CAMTA1: variants seen among roughly 807,000 people sequenced by gnomAD.
CAMTA1 encodes calmodulin-binding transcription activator 1.
Under a neutral mutation model 170.9 loss-of-function variants are expected in CAMTA1, and 27 were observed. That is an observed-to-expected ratio of 0.16 (90% CI 0.12 to 0.22). The LOEUF is 0.22. Ranked by LOEUF, CAMTA1 falls within the 10% of genes least tolerant of loss-of-function variation. CAMTA1 has a pLI of 1.00. For synonymous variants in CAMTA1, 833 were observed against 891.5 expected (o/e 0.93, Z 1.17); for missense variants, 1,619 against 2,217.2 (o/e 0.73, Z 5.42).
At position 7,548,422 on chromosome 1, in the gene CAMTA1, G is replaced by T. The variant is rs2094731271; in HGVS notation, c.510+80521G>T. Among the ~76,000 whole-genome samples, 5 of 151,788 alleles carry T rather than the reference G, an allele frequency of 3.3e-5. 1 individual carries two copies. In the South Asian group the frequency reaches 1.0e-3, roughly 32 times the overall value. On this transcript the variant is annotated intron_variant, in intron 6 of 22. Coordinates refer to ENST00000303635, the MANE Select transcript of CAMTA1 (RefSeq NM_015215.4). ...CTTAAGGGTGGAGGTGCCCGTGCAG[G>T]GTGCCCCTTAGGAGTGGAGGTGCTG...
intron 5 of CAMTA1, among the ~76,000 whole-genome samples, chr1:7,308,824 A>G (rs1675997956): frequency 6.6e-6 from 1 of 152,214 alleles, no homozygotes; most frequent in South Asian, 2.1e-4. Flanking sequence ...ACTCTCAACT[A>G]TCAGTTGGAG....
intron 3 of CAMTA1, among the ~76,000 whole-genome samples, chr1:7,061,866 C>A (rs1480548168): frequency 6.6e-6 from 1 of 152,002 alleles, no homozygotes; most frequent in African/African-American, 2.4e-5. Context: ...TGCCAAAGGC[C>A]ATGAAGAGTG....
At chr1:6,796,180 C>T (rs1642463656) in intron 1 of CAMTA1, among the ~76,000 whole-genome samples, 2 of 127,138 alleles carry the variant, frequency 1.6e-5, no homozygotes, top group East Asian at 5.1e-4. Context: ...CACTGTGTCA[C>T]TCAGTCTGGA....
chr1:7,501,114 G>A (rs889093884), intron 6 of CAMTA1, among the ~76,000 whole-genome samples: 6 of 152,126 alleles, frequency 3.9e-5, no homozygotes, highest in Admixed American at 2.6e-4. Context: ...CACTGCTGGC[G>A]AGGCAGCCGA....
At position 7,673,990 on chromosome 1, in the gene CAMTA1, G is replaced by A. The variant is rs2096086342; in HGVS notation, c.2779+2953G>A. Among the ~76,000 whole-genome samples, 1 of 152,070 alleles carries A rather than the reference G, an allele frequency of 6.6e-6. No homozygotes were observed. Among genetic ancestry groups the A allele is most frequent in the South Asian group, 2.1e-4 (1 of 4,826 alleles). ...TCCGGAGATGACGCTGGCTGCTTGGGGACCTCATCTTTGGGTCTCCCCAGA... is the reference window on the plus strand; with the variant it reads ...TCCGGAGATGACGCTGGCTGCTTGGAGACCTCATCTTTGGGTCTCCCCAGA... On this transcript the variant is annotated intron_variant, in intron 10 of 22. Coordinates refer to ENST00000303635, the MANE Select transcript of CAMTA1 (RefSeq NM_015215.4). This position sits in a 1 kb window ranked among gnomAD's most constrained non-coding sequence, Gnocchi z 4.6.
chr1:7,241,002 AAGTGG>A lies in CAMTA1; in HGVS notation c.303-8485_303-8481del, dbSNP rs566146020. Among the ~76,000 whole-genome samples the A allele has an allele frequency of 3.3e-5, 5 of 152,354 alleles. No homozygotes were observed. The South Asian group carries it at 1.0e-3, about 32-fold the overall frequency. ...AAAAGCATCCACAATGGGAAGAAGA[AAGTGG>A]AGTCACAGGTGACTTAATTATATAT... On this transcript the variant is annotated intron_variant, in intron 4 of 22. Coordinates refer to ENST00000303635, the MANE Select transcript of CAMTA1 (RefSeq NM_015215.4).
chr1:6,824,767 A>G (rs2148500659), intron 2 of CAMTA1, among the ~76,000 whole-genome samples: 1 of 152,250 alleles, frequency 6.6e-6, no homozygotes, highest in South Asian at 2.1e-4. Flanking sequence ...TTAATTTTAT[A>G]ATTTTTATGT....
At chr1:7,462,772 C>T (rs577914957) in intron 5 of CAMTA1, among the ~76,000 whole-genome samples, 4 of 152,290 alleles carry the variant, frequency 2.6e-5, no homozygotes, top group South Asian at 4.1e-4. Context: ...CGAGGCCACC[C>T]GGCTCTCAAA....
intron 5 of CAMTA1, among the ~76,000 whole-genome samples, chr1:7,304,079 A>G (rs2149570271): frequency 6.7e-6 from 1 of 149,414 alleles, no homozygotes; most frequent in East Asian, 2.0e-4. Context: ...GGAGATGAAG[A>G]GTTATTGCTT....
chr1:7,719,665 G>T (rs1048283957), intron 11 of CAMTA1, among the ~76,000 whole-genome samples: 1 of 152,018 alleles, frequency 6.6e-6, no homozygotes, highest in Admixed American at 6.6e-5. Context: ...ATCTCCACCC[G>T]GCCCTTACCC....
At position 7,195,361 on chromosome 1, in the gene CAMTA1, C is replaced by T. The variant is rs1655327574; in HGVS notation, c.303-54130C>T. On this transcript the variant is annotated intron_variant, in intron 4 of 22. Transcript: ENST00000303635. This position sits in a 1 kb window ranked among gnomAD's most constrained non-coding sequence, Gnocchi z 4.1. ...TTCGGAGTCCAAGTGTTGCTATACA[C>T]ATTCTCTGCTTGTCTTGGCTATTTG... Among the ~76,000 whole-genome samples the T allele has an allele frequency of 6.6e-6, 1 of 152,184 alleles. No homozygotes were observed. The highest frequency in any genetic ancestry group is 2.4e-5 in the African/African-American group (1 of 41,452).
intron 4 of CAMTA1, among the ~76,000 whole-genome samples, chr1:7,104,006 C>G (rs1012764679): frequency 7.3e-6 from 1 of 136,970 alleles, no homozygotes; most frequent in Non-Finnish European, 1.5e-5. Context: ...ATGAACACAA[C>G]ACACTACACA....
chr1:7,616,327 A>T (rs2095558353), intron 6 of CAMTA1, among the ~76,000 whole-genome samples: 1 of 152,200 alleles, frequency 6.6e-6, no homozygotes, highest in African/African-American at 2.4e-5. Context: ...AATTAAAATC[A>T]CTTCTTTTTT....
At chr1:7,018,058 G>A (rs953911436) in intron 3 of CAMTA1, among the ~76,000 whole-genome samples, 2 of 148,972 alleles carry the variant, frequency 1.3e-5, no homozygotes, top group Admixed American at 1.3e-4. Flanking sequence ...GACCTCCAAG[G>A]GCTCAAGCCA....
rs2095996111 is a variant in CAMTA1 at position 7,665,789 on chromosome 1, T to C, written c.2652+590T>C. The stretch of plus-strand genomic sequence containing the variant: ...CAGCTCCAGCCAGAGTCGTCTGCCG[T>C]TTCTCAATTTATGTGTTGAGTCCAT... On this transcript the variant is annotated intron_variant, in intron 9 of 22. Transcript: ENST00000303635. The surrounding 1 kb of genome is among the most constrained non-coding windows in gnomAD (Gnocchi z 4.3). 6.6e-6 allele frequency among the ~76,000 whole-genome samples: 1 copy of C among 152,098 alleles called. No homozygotes were observed. Among genetic ancestry groups the C allele is most frequent in the African/African-American group, 2.4e-5 (1 of 41,428 alleles).
In CAMTA1 at chr1:7,525,814, C is replaced by T. The variant is rs990451357; in HGVS notation, c.510+57913C>T. Among the ~76,000 whole-genome samples the T allele has an allele frequency of 5.0e-4, 76 of 152,198 alleles. 1 individual carries two copies. Among genetic ancestry groups the T allele is most frequent in the African/African-American group, 1.8e-3 (74 of 41,546 alleles). ...GAGCATCTACTGAGCACCCACTGCC[C>T]GCATGTCACTTAGCGCCCAGGGCCA... On this transcript the variant is annotated intron_variant, in intron 6 of 22. Coordinates refer to ENST00000303635, the MANE Select transcript of CAMTA1 (RefSeq NM_015215.4).
rs1708906089 is a variant in CAMTA1 at position 7,065,970 on chromosome 1, C to A, written c.235-25334C>A. On this transcript the variant is annotated intron_variant, in intron 3 of 22. Coordinates refer to ENST00000303635, the MANE Select transcript of CAMTA1 (RefSeq NM_015215.4). The surrounding 1 kb of genome is among the most constrained non-coding windows in gnomAD (Gnocchi z 5.2). The stretch of plus-strand genomic sequence containing the variant: ...CTGGCAGCAGCTGAGCCTCAGGCAC[C>A]CTGAGCAAGCACAAGGCGGAGAAAT... Among the ~76,000 whole-genome samples, 1 of 151,952 alleles carries A rather than the reference C, an allele frequency of 6.6e-6. No homozygotes were observed. Among genetic ancestry groups the A allele is most frequent in the South Asian group, 2.1e-4 (1 of 4,812 alleles).
In CAMTA1 at chr1:6,934,852, C is replaced by T. The variant is rs1685040325; in HGVS notation, c.234+109642C>T. Among the ~76,000 whole-genome samples the T allele has an allele frequency of 6.6e-6, 1 of 152,240 alleles. No individual in the cohort carries two copies. Among genetic ancestry groups the T allele is most frequent in the Non-Finnish European group, 1.5e-5 (1 of 68,018 alleles). Reference sequence around the variant, plus strand: ...CGAGGACTGCTCACTTGAGGCTTCCCCTGGGGAGAAGGAGCTGTTAAACTG... The same window carrying T: ...CGAGGACTGCTCACTTGAGGCTTCCTCTGGGGAGAAGGAGCTGTTAAACTG... On this transcript the variant is annotated intron_variant, in intron 3 of 22. Coordinates refer to ENST00000303635, the MANE Select transcript of CAMTA1 (RefSeq NM_015215.4). The surrounding 1 kb of genome is among the most constrained non-coding windows in gnomAD (Gnocchi z 4.5).
At chr1:7,519,956 G>A (rs2094338421) in intron 6 of CAMTA1, among the ~76,000 whole-genome samples, 1 of 151,206 alleles carries the variant, frequency 6.6e-6, no homozygotes. Flanking sequence ...GTTGTCCCGT[G>A]CTGGCCCACA....
Sources: allele counts gnomAD v4.1 joint callset (sites outside exome capture counted in the v4.1 genomes callset), GRCh38; gene constraint gnomAD v4.1.1; non-coding constraint Gnocchi (gnomAD v3.1); transcripts MANE v1.5; gene names NCBI Gene and HGNC (gene_info 2026-07-23, HGNC 2026-07-21).